LRIG3: variants seen among roughly 807,000 people sequenced by gnomAD.
The protein encoded by LRIG3 is leucine rich repeats and immunoglobulin like domains 3, also known as leucine-rich repeats and immunoglobulin-like domains protein 3.
LRIG3 carries 76 observed loss-of-function variants against 114.5 expected under a neutral mutation model. The observed-to-expected ratio is 0.66, with a 90% CI of 0.55 to 0.80. LRIG3 has a LOEUF of 0.80. Ranked by LOEUF, LRIG3 falls within the 30% of genes least tolerant of loss-of-function variation. LRIG3 has a pLI of 0.00. For synonymous variants in LRIG3, 512 were observed against 519.8 expected, an observed-to-expected ratio of 0.98 and a Z score of 0.20; for missense variants, 1,239 against 1,382.8, an observed-to-expected ratio of 0.90 and a Z score of 1.65.
chr12:58,876,669 G>A, intron 15 of LRIG3, 66 bp from the exon 16 acceptor site: 2 of 1,554,298 alleles, frequency 1.3e-6, no homozygotes, highest in Non-Finnish European at 1.8e-6. Context: ...GGCATCCCGG[G>A]TGAATGGCAT....
At chr12:58,902,209 G>A (rs1368672196) in intron 3 of LRIG3, among the ~76,000 whole-genome samples, 1 of 151,854 alleles carries the variant, frequency 6.6e-6, no homozygotes, top group Non-Finnish European at 1.5e-5. Context: ...ATCCTAGGTC[G>A]ATACTTTGTG....
In LRIG3 at chr12:58,916,089, C is replaced by A. The variant is rs1182202306; in HGVS notation, c.237-1753G>T. ...AATTAAAAATAAAAAAACACTAAAA[C>A]TGAGGATTAACTTCATTTTAAGGAT... On this transcript the variant is annotated intron_variant, in intron 1 of 18. Coordinates refer to ENST00000320743, the MANE Select transcript of LRIG3 (RefSeq NM_153377.5). Among the ~76,000 whole-genome samples the A allele has an allele frequency of 3.3e-5, 5 of 152,232 alleles. 1 individual carries two copies. The highest frequency in any genetic ancestry group is 1.2e-4 in the African/African-American group (5 of 41,546).
At chr12:58,918,297 C>T (rs1328713821) in intron 1 of LRIG3, among the ~76,000 whole-genome samples, 1 of 152,214 alleles carries the variant, frequency 6.6e-6, no homozygotes, top group African/African-American at 2.4e-5. Context: ...ACCAAATTAT[C>T]TGCAAAACAA....
intron 2 of LRIG3, 79 bp from the exon 3 acceptor site, chr12:58,914,135 T>C: frequency 2.6e-6 from 4 of 1,531,620 alleles, no homozygotes; most frequent in Non-Finnish European, 3.6e-6. Context: ...ACTTTACATA[T>C]TATTTCAAGA....
rs751377320 is a variant in LRIG3 at position 58,880,771 on chromosome 12, G to A, written c.1611C>T (p.Asp537=). The part of the protein sequence containing the change: ...DSPMTFAWKK[D]NELLHDAEME... ...TTTCAGCATCATGCAGTAGTTCATT[G>A]TCTTTTTTCCAAGCAAAAGTCATTG... Residue 537 remains aspartate, a synonymous_variant, in exon 13 of 19, where the codon GAC becomes GAT. Coordinates refer to ENST00000320743, the MANE Select transcript of LRIG3 (RefSeq NM_153377.5). The A allele has an allele frequency of 5.0e-6, 8 of 1,614,198 alleles. No individual in the cohort carries two copies. The Admixed American group carries it at 8.3e-5, about 17-fold the overall frequency.
chr12:58,902,233 C>T (rs1215872012), intron 3 of LRIG3, among the ~76,000 whole-genome samples: 1 of 151,676 alleles, frequency 6.6e-6, no homozygotes, highest in Admixed American at 6.6e-5. Flanking sequence ...GATCACAAAG[C>T]GATGTGACTC....
chr12:58,880,563 A>G lies in LRIG3; in HGVS notation c.1801+18T>C. On this transcript the variant is annotated intron_variant, in intron 13 of 18. Coordinates refer to ENST00000320743, the MANE Select transcript of LRIG3 (RefSeq NM_153377.5). ...AAAAGGTATCTTTAAATGCTAAAGG[A>G]AAAGTCAGATCACATACTATTTACT... 5 of 1,603,330 alleles carry G rather than the reference A, an allele frequency of 3.1e-6. No homozygotes were observed. Among genetic ancestry groups the G allele is most frequent in the Non-Finnish European group, 4.3e-6 (5 of 1,172,274 alleles).
intron 18 of LRIG3, among the ~76,000 whole-genome samples, chr12:58,873,208 C>T (rs755973715): frequency 9.9e-5 from 15 of 152,218 alleles, no homozygotes; most frequent in Non-Finnish European, 1.5e-5. Flanking sequence ...AAGAAATTTT[C>T]TTTCAAAATA....
chr12:58,889,860 C>G, intron 5 of LRIG3, 136 bp downstream of exon 5: 1 of 1,100,534 alleles, frequency 9.1e-7, no homozygotes, highest in Non-Finnish European at 1.3e-6. Flanking sequence ...GGAGATTCTA[C>G]AGCTCCAACT....
In LRIG3 at chr12:58,886,038, T is replaced by C. The variant is rs1592297933; in HGVS notation, c.1173-136A>G. On this transcript the variant is annotated intron_variant, in intron 9 of 18. Transcript: ENST00000320743. ...AATTAAACAATATATCCTGTAAAAATGTGTCCATGCCATCTATTTCAATAA... is the reference window on the plus strand; with the variant it reads ...AATTAAACAATATATCCTGTAAAAACGTGTCCATGCCATCTATTTCAATAA... 6 of 382,058 alleles carry C rather than the reference T, an allele frequency of 1.6e-5. No individual in the cohort carries two copies. The East Asian group carries it at 2.9e-4, about 18-fold the overall frequency. The allele number at this position is 382,058 out of a possible 1,614,324, so 23.7% of individuals were successfully genotyped here.
chr12:58,897,835 T>C (rs1871697541), intron 3 of LRIG3, among the ~76,000 whole-genome samples: 1 of 152,222 alleles, frequency 6.6e-6, no homozygotes, highest in South Asian at 2.1e-4. Context: ...TTTTACTGTT[T>C]CTTTTTTGGG....
chr12:58,876,725 C>T (rs1422575448), intron 15 of LRIG3, 122 bp from the exon 16 acceptor site: 6 of 953,898 alleles, frequency 6.3e-6, no homozygotes, highest in Middle Eastern at 2.9e-4. Flanking sequence ...GAGATCTACT[C>T]TGGCAAAACC....
intron 5 of LRIG3, among the ~76,000 whole-genome samples, chr12:58,889,769 T>C (rs1441154846): frequency 6.6e-6 from 1 of 152,064 alleles, no homozygotes; most frequent in African/African-American, 2.4e-5. Flanking sequence ...CTGTTCACTC[T>C]TTCAGTAACA....
chr12:58,895,232 T>A (rs929759440), intron 3 of LRIG3, among the ~76,000 whole-genome samples: 8 of 151,818 alleles, frequency 5.3e-5, no homozygotes, highest in African/African-American at 1.9e-4. Flanking sequence ...TAAAGTCTAG[T>A]GGGGAGGATA....
intron 9 of LRIG3, among the ~76,000 whole-genome samples, chr12:58,886,503 CACTA>C (rs1871280742): frequency 1.3e-5 from 2 of 151,704 alleles, no homozygotes; most frequent in South Asian, 2.1e-4. Context: ...GAAGTGCCTG[CACTA>C]ACTTTTACGC....
rs1342169139 is a variant in LRIG3, at chr12:58,888,429, G to A, written c.847C>T (p.Leu283Phe). The change falls in exon 7 of 19, where the codon CTT becomes TTT. Residue 283 changes from leucine to phenylalanine, a missense_variant. By Grantham distance (22) the Leu-to-Phe change is conservative (BLOSUM62 0). Coordinates refer to ENST00000320743, the MANE Select transcript of LRIG3 (RefSeq NM_153377.5). ...TCCTGCAGCATCAGCAAGCCGTAAA[G>A]CCAGCCTTTGGTAATCTCTGTTAGG... ...NNLTEITKGW[L>F]YGLLMLQELH... The A allele has an allele frequency of 1.6e-5, 26 of 1,613,774 alleles. No individual in the cohort carries two copies. Among genetic ancestry groups the A allele is most frequent in the African/African-American group, 2.7e-5 (2 of 74,892 alleles).
At chr12:58,884,555 GTT>G (rs1216260725) in intron 10 of LRIG3, among the ~76,000 whole-genome samples, 1 of 152,186 alleles carries the variant, frequency 6.6e-6, no homozygotes, top group Non-Finnish European at 1.5e-5. Context: ...CTTTTGGCTA[GTT>G]TTCTTTTCAA....
chr12:58,920,295 G>A lies in LRIG3; in HGVS notation c.-60C>T, dbSNP rs1326701136. On this transcript the variant is annotated 5_prime_UTR_variant, in exon 1 of 19. Transcript: ENST00000320743. ...CCCAGCCGGCGCGCGCTCGGGGCCCGGCACAAACTTCCAGCCGAGGGTGCA... is the reference window on the plus strand; with the variant it reads ...CCCAGCCGGCGCGCGCTCGGGGCCCAGCACAAACTTCCAGCCGAGGGTGCA... 6 of 1,250,636 alleles carry A rather than the reference G, an allele frequency of 4.8e-6. No individual in the cohort carries two copies. In the African/African-American group the frequency reaches 9.5e-5, roughly 20 times the overall value. The allele number at this position is 1,250,636 out of a possible 1,614,324, so 77.5% of individuals were successfully genotyped here.
chr12:58,912,035 A>G (rs556798690), intron 3 of LRIG3, among the ~76,000 whole-genome samples: 1 of 152,344 alleles, frequency 6.6e-6, no homozygotes, highest in East Asian at 1.9e-4. Flanking sequence ...ATTGTAACAC[A>G]TTAAGGAGAA....
Sources: allele counts gnomAD v4.1 joint callset (sites outside exome capture counted in the v4.1 genomes callset), GRCh38; gene constraint gnomAD v4.1.1; transcripts MANE v1.5; gene names NCBI Gene and HGNC (gene_info 2026-07-23, HGNC 2026-07-21).